THEMIS: variants seen among roughly 807,000 people sequenced by gnomAD.
The protein encoded by THEMIS is protein THEMIS.
THEMIS carries 37 observed loss-of-function variants against 52.6 expected under a neutral mutation model. The ratio of observed to expected loss-of-function variants is 0.70; its 90% CI spans 0.54 to 0.93. The LOEUF is 0.93. Ranked by LOEUF, THEMIS falls within the 40% of genes least tolerant of loss-of-function variation. The probability of loss-of-function intolerance (pLI) is 0.00; values close to 1 mark genes in which losing one functional copy is unlikely to be tolerated. For synonymous variants in THEMIS, 292 were observed against 272.7 expected, an observed-to-expected ratio of 1.07 and a Z score of -0.70; for missense variants, 808 against 763.1, an observed-to-expected ratio of 1.06 and a Z score of -0.69.
At chr6:127,910,724 A>G (rs1259123884) in intron 1 of THEMIS, among the ~76,000 whole-genome samples, 2 of 152,226 alleles carry the variant, frequency 1.3e-5, no homozygotes, top group African/African-American at 4.8e-5. Context: ...TGTTTCCTTT[A>G]TTTTAACACT....
intron 4 of THEMIS, among the ~76,000 whole-genome samples, chr6:127,740,108 C>G (rs929189599): frequency 3.3e-5 from 5 of 152,134 alleles, no homozygotes; most frequent in African/African-American, 1.2e-4. Flanking sequence ...TAATTCTCCC[C>G]TGATTCCTCC....
chr6:127,860,395 T>A (rs1388908931), intron 1 of THEMIS, among the ~76,000 whole-genome samples: 2 of 152,144 alleles, frequency 1.3e-5, no homozygotes, highest in East Asian at 3.9e-4. Context: ...AGAGACTCTC[T>A]CATCCCCAAA....
At chr6:127,840,272 C>T (rs913425274) in intron 2 of THEMIS, among the ~76,000 whole-genome samples, 9 of 151,948 alleles carry the variant, frequency 5.9e-5, no homozygotes, top group African/African-American at 1.9e-4. Context: ...TATAAATGGC[C>T]ATGTTCAGGA....
intron 5 of THEMIS, among the ~76,000 whole-genome samples, chr6:127,716,562 G>C (rs1774168344): frequency 6.6e-6 from 1 of 151,898 alleles, no homozygotes; most frequent in South Asian, 2.1e-4. Flanking sequence ...TATGGGATCA[G>C]TTGAGGTCTT....
At chr6:127,801,500 T>C (rs1777533654) in intron 4 of THEMIS, among the ~76,000 whole-genome samples, 1 of 152,164 alleles carries the variant, frequency 6.6e-6, no homozygotes, top group African/African-American at 2.4e-5. Context: ...AATGGGACCC[T>C]GCAACTTGGA....
chr6:127,723,588 C>G (rs747365983), intron 4 of THEMIS, among the ~76,000 whole-genome samples: 11 of 151,988 alleles, frequency 7.2e-5, no homozygotes, highest in Non-Finnish European at 1.3e-4. Flanking sequence ...GAGGCAGGAG[C>G]TTGCATGCCT....
intron 3 of THEMIS, among the ~76,000 whole-genome samples, chr6:127,815,657 C>T (rs1221332804): frequency 1.3e-5 from 2 of 152,144 alleles, no homozygotes; most frequent in African/African-American, 4.8e-5. Context: ...TTAGCATGCA[C>T]TAACTTTTAA....
At chr6:127,912,133 A>G (rs534573189) in intron 1 of THEMIS, among the ~76,000 whole-genome samples, 3 of 152,186 alleles carry the variant, frequency 2.0e-5, no homozygotes, top group Non-Finnish European at 4.4e-5. Context: ...GATGTGAGAC[A>G]TGGTGTCAAA....
At position 127,829,547 on chromosome 6, in the gene THEMIS, T is replaced by C; in HGVS notation, c.638A>G (p.Asn213Ser). 1 of 1,613,874 alleles carries C rather than the reference T, an allele frequency of 6.2e-7. No individual in the cohort carries two copies. The change falls in exon 3 of 6, where the codon AAT becomes AGT. Residue 213 changes from asparagine (N) to serine (S), a missense_variant. Physicochemically the swap from Asn to Ser is conservative, Grantham distance 46 (BLOSUM62 1). Transcript: ENST00000368248. ...TDFSNKWDST[N>S]PFPKDFYGTL... Reference sequence around the variant, plus strand: ...ACCATAAAAGTCTTTAGGAAATGGATTCGTTGAGTCCCACTTATTTGAAAA... The same window carrying C: ...ACCATAAAAGTCTTTAGGAAATGGACTCGTTGAGTCCCACTTATTTGAAAA...
chr6:127,812,440 T>C (rs1033227235), intron 4 of THEMIS, among the ~76,000 whole-genome samples: 2 of 152,186 alleles, frequency 1.3e-5, no homozygotes, highest in Non-Finnish European at 2.9e-5. Context: ...TGAAGACATG[T>C]GCTATAGATG....
At chr6:127,863,945 T>C (rs1001918074) in intron 1 of THEMIS, among the ~76,000 whole-genome samples, 6 of 152,102 alleles carry the variant, frequency 3.9e-5, no homozygotes, top group African/African-American at 1.4e-4. Context: ...ACCTTATCAA[T>C]AGCTGGATTC....
chr6:127,840,425 A>C (rs1318646063), intron 2 of THEMIS, among the ~76,000 whole-genome samples: 1 of 152,128 alleles, frequency 6.6e-6, no homozygotes, highest in Non-Finnish European at 1.5e-5. Context: ...GTCTATATGT[A>C]TGCATGTGTA....
At chr6:127,750,048 C>G (rs1426907512) in intron 4 of THEMIS, among the ~76,000 whole-genome samples, 1 of 148,504 alleles carries the variant, frequency 6.7e-6, no homozygotes, top group Non-Finnish European at 1.5e-5. Flanking sequence ...CAGACATACT[C>G]TAACAAATTA....
At chr6:127,823,796 T>G (rs1225093482) in intron 3 of THEMIS, among the ~76,000 whole-genome samples, 2 of 152,070 alleles carry the variant, frequency 1.3e-5, no homozygotes, top group Non-Finnish European at 2.9e-5. Context: ...ACCTTTTCAA[T>G]CCTTTCTCCC....
At chr6:127,778,070 G>A (rs1417624772) in intron 4 of THEMIS, among the ~76,000 whole-genome samples, 1 of 152,156 alleles carries the variant, frequency 6.6e-6, no homozygotes, top group African/African-American at 2.4e-5. Context: ...GTTAATTGAA[G>A]ATATACCTAA....
chr6:127,786,796 C>CT (rs902506527), intron 4 of THEMIS, among the ~76,000 whole-genome samples: 28 of 152,060 alleles, frequency 1.8e-4, no homozygotes, highest in African/African-American at 4.3e-4. Flanking sequence ...AAAAAGAAAT[C>CT]TTTTTTTTAA....
intron 4 of THEMIS, among the ~76,000 whole-genome samples, chr6:127,766,233 T>C (rs1316005020): frequency 1.3e-5 from 2 of 152,174 alleles, no homozygotes; most frequent in African/African-American, 4.8e-5. Context: ...TGCTTATATC[T>C]TTACATCTTT....
chr6:127,910,250 CAG>C (rs1169282420), intron 1 of THEMIS, among the ~76,000 whole-genome samples: 1 of 152,060 alleles, frequency 6.6e-6, no homozygotes, highest in Non-Finnish European at 1.5e-5. Flanking sequence ...ACTACCTTCT[CAG>C]TGTCTCTTTT....
At chr6:127,706,182 G>A (rs570341781), downstream of THEMIS, among the ~76,000 whole-genome samples, 1 of 151,588 alleles carries the variant, frequency 6.6e-6, no homozygotes, top group Non-Finnish European at 1.5e-5. Context: ...AAAAAACCTT[G>A]ATGTAATATT....
Sources: allele counts gnomAD v4.1 joint callset (sites outside exome capture counted in the v4.1 genomes callset), GRCh38; gene constraint gnomAD v4.1.1; transcripts MANE v1.5; gene names NCBI Gene and HGNC (gene_info 2026-07-23, HGNC 2026-07-21).